Variants in MAZ observed in about 807,000 individuals in gnomAD.
MAZ encodes myc-associated zinc finger protein.
A neutral mutation model predicts 32.7 loss-of-function variants in MAZ; 4 were observed. The observed-to-expected ratio is 0.12, with a 90% CI of 0.06 to 0.28. The LOEUF (loss-of-function observed/expected upper bound fraction) is 0.28, where lower values mean the gene tolerates loss of function less well. MAZ is among the 10% of genes least tolerant of loss of function. The probability of loss-of-function intolerance (pLI) is 1.00; values close to 1 mark genes in which losing one functional copy is unlikely to be tolerated. For missense variants in MAZ, 763 were observed against 667.2 expected, an observed-to-expected ratio of 1.14 and a Z score of -1.58; for synonymous variants, 510 against 297.6, an observed-to-expected ratio of 1.71 and a Z score of -7.35.
At chr16:29,809,718 C>T (rs1197793435) in intron 4 of MAZ, 6 of 1,471,936 alleles carry the variant, frequency 4.1e-6, no homozygotes, top group Non-Finnish European at 4.5e-6. Context: ...CGGGAGACGC[C>T]CCCCAGCCAC....
In MAZ at chr16:29,806,878, C is replaced by A; in HGVS notation, c.177C>A (p.Ala59=). 1 of 1,427,790 alleles carries A rather than the reference C, an allele frequency of 7.0e-7. No homozygotes were observed. Among genetic ancestry groups the A allele is most frequent in the African/African-American group, 1.5e-5 (1 of 65,486 alleles). The allele number at this position is 1,427,790 out of a possible 1,614,324, so 88.4% of individuals were successfully genotyped here. ...GCTTCTTTGCCTCCCAGGGCTGCGC[C>A]CAGAGTCCATTCCAGGTGAGTAGGG... ...QSRFFASQGC[A]QSPFQAAPAP... is the part of the protein sequence containing the mutation. Residue 59 remains alanine, a synonymous_variant, in exon 1 of 5, where the codon GCC becomes GCA. Coordinates refer to ENST00000322945, the MANE Select transcript of MAZ (RefSeq NM_002383.4).
In MAZ at chr16:29,808,397, C is replaced by G. The variant is rs184105550; in HGVS notation, c.1107+104C>G. ...CCCCTTTTTCTCTCTCTTCTTTTTG[C>G]CTTTTTGCTCCATTTTCTCATCCCT... On this transcript the variant is annotated intron_variant, in intron 3 of 4. Coordinates refer to ENST00000322945, the MANE Select transcript of MAZ (RefSeq NM_002383.4). 799 of 1,213,574 alleles carry G rather than the reference C, an allele frequency of 6.6e-4. 6 individuals are homozygous for G. The African/African-American group carries it at 0.011, about 16-fold the overall frequency. The allele number at this position is 1,213,574 out of a possible 1,614,324, so 75.2% of individuals were successfully genotyped here. A position where few individuals can be genotyped will look rare whatever the true frequency, so the allele number is the denominator to read the frequency against.
chr16:29,810,134 C>CGGCAGCAGT lies in MAZ; in HGVS notation c.1338_1346dup (p.Val449_Ala451dup), dbSNP rs756947585. ...GCGGCAGCGGCGGCAGCGGCAGCAG[C>CGGCAGCAGT]GGCAGCAGTAGCAGCCCCTCCCACA... On this transcript the variant is annotated inframe_insertion, in exon 5 of 5. Coordinates refer to ENST00000322945, the MANE Select transcript of MAZ (RefSeq NM_002383.4). 2.9e-5 allele frequency: 46 copies of CGGCAGCAGT among 1,609,746 alleles called. No individual in the cohort carries two copies. Among genetic ancestry groups the CGGCAGCAGT allele is most frequent in the Non-Finnish European group, 3.6e-5 (43 of 1,178,230 alleles).
In MAZ at chr16:29,806,610, G is replaced by A; in HGVS notation, c.-92G>A. ...CATGCGTTCGGCGCGGCCCAGCCCGGCCGGCCGGGGGCGGCGCCCCGAGCC... is the reference window on the plus strand; with the variant it reads ...CATGCGTTCGGCGCGGCCCAGCCCGACCGGCCGGGGGCGGCGCCCCGAGCC... On this transcript the variant is annotated 5_prime_UTR_variant, in exon 1 of 5. Coordinates refer to ENST00000322945, the MANE Select transcript of MAZ (RefSeq NM_002383.4). 1 of 965,546 alleles carries A rather than the reference G, an allele frequency of 1.0e-6. No individual in the cohort carries two copies. The highest frequency in any genetic ancestry group is 1.2e-6 in the Non-Finnish European group (1 of 818,166). 59.8% of individuals were successfully genotyped at this position (965,546 alleles called of 1,614,324 possible). A position where few individuals can be genotyped will look rare whatever the true frequency, so the allele number is the denominator to read the frequency against.
Position 29,806,546 on chromosome 16 carries a change from G to A in MAZ, c.-156G>A. On this transcript the variant is annotated 5_prime_UTR_variant, in exon 1 of 5. Transcript: ENST00000322945. ...AAGGCGCCCTCTTTTCCTCCCTCCCGCCGGCCGGGGTGCGCGGGCGGCGGG... is the reference window on the plus strand; with the variant it reads ...AAGGCGCCCTCTTTTCCTCCCTCCCACCGGCCGGGGTGCGCGGGCGGCGGG... The A allele has an allele frequency of 1.1e-5, 10 of 881,888 alleles. No homozygotes were observed. Among genetic ancestry groups the A allele is most frequent in the Non-Finnish European group, 1.3e-5 (10 of 745,304 alleles). The allele number at this position is 881,888 out of a possible 1,614,324, so 54.6% of individuals were successfully genotyped here.
chr16:29,809,086 C>T (rs979415509), intron 4 of MAZ: 3 of 521,270 alleles, frequency 5.8e-6, no homozygotes, highest in African/African-American at 3.9e-5. Context: ...TTGTCTCCAG[C>T]TCCTGGGGCA....
upstream of MAZ, among the ~76,000 whole-genome samples, chr16:29,806,336 G>C (rs1200626741): frequency 2.1e-5 from 2 of 95,780 alleles, no homozygotes; most frequent in African/African-American, 8.3e-5. Flanking sequence ...GCGCCGGCTG[G>C]GCGCGCGCGC....
chr16:29,806,757 TG>T lies in MAZ; in HGVS notation c.58del (p.Asp20ThrfsTer9). ...LLAPPFPVLG[L>X]DSRGVGGLMN... ...GCCCCCCCCTTCCCCGTGCTGGGCC[TG>T]GACTCCCGGGGGGTGGGCGGCCTCA... On this transcript the variant is annotated frameshift_variant, in exon 1 of 5. Coordinates refer to ENST00000322945, the MANE Select transcript of MAZ (RefSeq NM_002383.4). LOFTEE classifies it high-confidence loss of function. 1 of 1,430,072 alleles carries T rather than the reference TG, an allele frequency of 7.0e-7. No homozygotes were observed. The highest frequency in any genetic ancestry group is 9.2e-7 in the Non-Finnish European group (1 of 1,081,782). 88.6% of individuals were successfully genotyped at this position (1,430,072 alleles called of 1,614,324 possible). A position where few individuals can be genotyped will look rare whatever the true frequency, so the allele number is the denominator to read the frequency against.
intron 2 of MAZ, 100 bp from the exon 3 acceptor site, chr16:29,808,130 C>T (rs1414892423): frequency 1.3e-5 from 15 of 1,153,154 alleles, no homozygotes; most frequent in Admixed American, 3.7e-5. Flanking sequence ...GCCTGGGCTC[C>T]GGGAGGAGGC....
In MAZ at chr16:29,810,966, G is replaced by T. The variant is rs1271590184; in HGVS notation, c.*735G>T. 4.7e-6 allele frequency: 2 copies of T among 422,544 alleles called. No individual in the cohort carries two copies. The highest frequency in any genetic ancestry group is 4.8e-6 in the Non-Finnish European group (1 of 209,574). 26.2% of individuals were successfully genotyped at this position (422,544 alleles called of 1,614,324 possible). Reference sequence around the variant, plus strand: ...GCCTAGAGGTGCTTCCTGGGGGCGGGGGAATGCAGCCAGTGTCCCCCTCCC... The same window carrying T: ...GCCTAGAGGTGCTTCCTGGGGGCGGTGGAATGCAGCCAGTGTCCCCCTCCC... On this transcript the variant is annotated 3_prime_UTR_variant, in exon 5 of 5. Transcript: ENST00000322945.
At chr16:29,808,085 G>C in intron 2 of MAZ, 145 bp from the exon 3 acceptor site, 1 of 977,850 alleles carries the variant, frequency 1.0e-6, no homozygotes, top group Non-Finnish European at 1.5e-6. Context: ...CTGGGCTCCA[G>C]GGGAGGGATT....
chr16:29,810,126 G>GGCAGCA lies in MAZ; in HGVS notation c.1332_1337dup (p.Ala447_Ala448dup), dbSNP rs753188781. The GGCAGCA allele has an allele frequency of 1.6e-5, 26 of 1,591,360 alleles. No homozygotes were observed. The African/African-American group carries it at 2.3e-4, about 14-fold the overall frequency. ...CGGCGGCAGCGGCAGCGGCGGCAGC[G>GGCAGCA]GCAGCAGCGGCAGCAGTAGCAGCCC... On this transcript the variant is annotated inframe_insertion, in exon 5 of 5. Coordinates refer to ENST00000322945, the MANE Select transcript of MAZ (RefSeq NM_002383.4).
At position 29,806,993 on chromosome 16, in the gene MAZ, C is replaced by A. The variant is rs1408596977; in HGVS notation, c.208C>A (p.Pro70Thr). 9.9e-6 allele frequency: 10 copies of A among 1,014,948 alleles called. No individual in the cohort carries two copies. The highest frequency in any genetic ancestry group is 1.2e-5 in the Non-Finnish European group (10 of 853,136). The allele number at this position is 1,014,948 out of a possible 1,614,324, so 62.9% of individuals were successfully genotyped here. Residue 70 changes from proline to threonine, a missense_variant, in exon 2 of 5, where the codon CCG (proline) becomes ACG (threonine). Physicochemically the swap from Pro to Thr is conservative, Grantham distance 38 (BLOSUM62 -1). Transcript: ENST00000322945. ...GTCTCCGCAGGCCGCGCCGGCGCCC[C>A]CGCCCACGCCCCAGGCCCCGGCGGC... Reference protein sequence around the residue: ...QSPFQAAPAPPPTPQAPAAEP... With the variant: ...QSPFQAAPAPTPTPQAPAAEP...
Position 29,810,327 on chromosome 16 carries a change from T to A in MAZ, c.*96T>A. ...CTTTTCCCACCAACTCCTATTTCCC[T>A]ACCAACCAAGGAGCCTCCAGAAGGA... On this transcript the variant is annotated 3_prime_UTR_variant, in exon 5 of 5. Coordinates refer to ENST00000322945, the MANE Select transcript of MAZ (RefSeq NM_002383.4). 7.9e-7 allele frequency: 1 copy of A among 1,266,228 alleles called. No homozygotes were observed. Among genetic ancestry groups the A allele is most frequent in the Non-Finnish European group, 1.1e-6 (1 of 894,138 alleles). 78.4% of individuals were successfully genotyped at this position (1,266,228 alleles called of 1,614,324 possible). A position where few individuals can be genotyped will look rare whatever the true frequency, so the allele number is the denominator to read the frequency against.
intron 2 of MAZ, 78 bp downstream of exon 2, chr16:29,807,906 G>A (rs1163960151): frequency 3.9e-6 from 6 of 1,552,448 alleles, no homozygotes; most frequent in Middle Eastern, 1.7e-4. Flanking sequence ...CGTGGCTGGC[G>A]GGGAGGGAGG....
In MAZ at chr16:29,807,496, C is replaced by T. The variant is rs1238588583; in HGVS notation, c.711C>T (p.Ser237=). ...CCATGGTGCCCCTGAGCCTCCTGAGCGTGCCCCAGCTGAGCGGAGCCGGCG... is the reference window on the plus strand; with the variant it reads ...CCATGGTGCCCCTGAGCCTCCTGAGTGTGCCCCAGCTGAGCGGAGCCGGCG... ...MPTMVPLSLL[S]VPQLSGAGGG... Residue 237 remains serine, a synonymous_variant, in exon 2 of 5, where the codon AGC becomes AGT. Transcript: ENST00000322945. 3 of 1,611,798 alleles carry T rather than the reference C, an allele frequency of 1.9e-6. No individual in the cohort carries two copies. The highest frequency in any genetic ancestry group is 2.5e-6 in the Non-Finnish European group (3 of 1,179,440).
Position 29,810,189 on chromosome 16 carries a change from G to T in MAZ, c.1392G>T (p.Gly464=), listed in dbSNP as rs767517958. ...TAVGSLSGAE[G]VPVSSQPLPS... ...TGGGCTCCCTCTCGGGGGCGGAGGG[G>T]GTGCCTGTGAGCTCTCAGCCACTTC... The change falls in exon 5 of 5, where the codon GGG becomes GGT. Residue 464 remains glycine, a synonymous_variant. Coordinates refer to ENST00000322945, the MANE Select transcript of MAZ (RefSeq NM_002383.4). The T allele has an allele frequency of 1.2e-6, 2 of 1,606,486 alleles. No individual in the cohort carries two copies. Among genetic ancestry groups the T allele is most frequent in the South Asian group, 2.2e-5 (2 of 90,508 alleles).
Position 29,808,232 on chromosome 16 carries a change from C to T in MAZ, c.1046C>T (p.Pro349Leu). Residue 349 changes from proline (P) to leucine (L), a missense_variant and splice_region_variant, in exon 3 of 5, where the codon CCG (proline) becomes CTG (leucine). Pro to Leu is a moderately conservative substitution (Grantham distance 98). Coordinates refer to ENST00000322945, the MANE Select transcript of MAZ (RefSeq NM_002383.4). ...CCCCAACCCCAACGTGTCCCCAGGC[C>T]GGATCACCTCAACAGTCACGTCAGA... is the stretch of plus-strand genomic sequence containing the variant. ...CSHCGKSFSR[P>L]DHLNSHVRQV... 6.2e-7 allele frequency: 1 copy of T among 1,613,978 alleles called. No homozygotes were observed. Among genetic ancestry groups the T allele is most frequent in the South Asian group, 1.1e-5 (1 of 91,068 alleles).
chr16:29,806,823 C>A lies in MAZ; in HGVS notation c.122C>A (p.Pro41His). The change falls in exon 1 of 5, where the codon CCC becomes CAC. Residue 41 changes from proline to histidine, a missense_variant. Pro to His is a moderately conservative substitution (Grantham distance 77). Transcript: ENST00000322945. ...CCACCTCAGGGTCACGCCCAGAACC[C>A]CCTGCAGGTCGGGGCTGAGCTCCAG... Reference protein sequence around the residue: ...FPPPQGHAQNPLQVGAELQSR... With the variant: ...FPPPQGHAQNHLQVGAELQSR... 2 of 1,448,510 alleles carry A rather than the reference C, an allele frequency of 1.4e-6. No individual in the cohort carries two copies. Among genetic ancestry groups the A allele is most frequent in the Non-Finnish European group, 1.8e-6 (2 of 1,093,774 alleles). The allele number at this position is 1,448,510 out of a possible 1,614,324, so 89.7% of individuals were successfully genotyped here.
Sources: gnomAD v4.1 joint callset for allele counts (sites outside exome capture counted in the v4.1 genomes callset) on GRCh38, gnomAD v4.1.1 for gene constraint, MANE v1.5 for transcripts, NCBI Gene and HGNC (gene_info 2026-07-23, HGNC 2026-07-21) for gene names.